PRDM16: variants seen among roughly 807,000 people sequenced by gnomAD.
PRDM16 encodes the protein PR/SET domain 16, also known as histone-lysine N-methyltransferase PRDM16.
A neutral mutation model predicts 110.6 loss-of-function variants in PRDM16; 23 were observed. That is an observed-to-expected ratio of 0.21 (90% CI 0.15 to 0.29). The LOEUF is 0.29. PRDM16 is among the 10% of genes least tolerant of loss of function. The probability of loss-of-function intolerance (pLI) is 1.00; values close to 1 mark genes in which losing one functional copy is unlikely to be tolerated. For synonymous variants in PRDM16, 799 were observed against 781.8 expected (o/e 1.02, Z -0.37); for missense variants, 1,615 against 1,794.3 (o/e 0.90, Z 1.81).
chr1:3,388,497 C>A (rs141733820), intron 4 of PRDM16, among the ~76,000 whole-genome samples: 3 of 152,310 alleles, frequency 2.0e-5, no homozygotes, highest in African/African-American at 7.2e-5. Flanking sequence ...AGACATGTGA[C>A]CTCAGCCCCC....
chr1:3,105,734 GC>G (rs1642637198), intron 1 of PRDM16, among the ~76,000 whole-genome samples: 3 of 152,236 alleles, frequency 2.0e-5, no homozygotes, highest in Non-Finnish European at 4.4e-5. Context: ...CAAGCAGCAT[GC>G]TAATTAGCGC....
At chr1:3,365,330 AC>A (rs925372309) in intron 3 of PRDM16, among the ~76,000 whole-genome samples, 1 of 151,854 alleles carries the variant, frequency 6.6e-6, no homozygotes, top group Non-Finnish European at 1.5e-5. Context: ...CTGGTTCCCC[AC>A]CCCTGGGCTG....
At chr1:3,412,881 CTCTT>C in intron 9 of PRDM16, 81 bp downstream of exon 9, 3 of 1,155,914 alleles carry the variant, frequency 2.6e-6, no homozygotes, top group South Asian at 1.9e-5. Context: ...ATGGTGGTGT[CTCTT>C]TCAAGCTCCT....
intron 2 of PRDM16, among the ~76,000 whole-genome samples, chr1:3,234,976 TAA>T (rs1485390415): frequency 2.0e-5 from 3 of 152,132 alleles, no homozygotes; most frequent in Non-Finnish European, 4.4e-5. Flanking sequence ...GGTGGAGAAA[TAA>T]AGTGTGAGTG....
chr1:3,367,762 T>C (rs1462647402), intron 3 of PRDM16, among the ~76,000 whole-genome samples: 1 of 152,260 alleles, frequency 6.6e-6, no homozygotes, highest in Non-Finnish European at 1.5e-5. Context: ...TAAGAATTAA[T>C]GGAGCCGGTA....
intron 8 of PRDM16, among the ~76,000 whole-genome samples, chr1:3,410,534 C>G (rs930761681): frequency 6.6e-6 from 1 of 152,212 alleles, no homozygotes; most frequent in African/African-American, 2.4e-5. Flanking sequence ...CTGCCAGGAG[C>G]CCCAAAGTCC....
intron 2 of PRDM16, among the ~76,000 whole-genome samples, chr1:3,187,818 C>T (rs75192469): frequency 6.6e-6 from 1 of 152,250 alleles, no homozygotes; most frequent in East Asian, 1.9e-4. Context: ...CAGCTTAAAG[C>T]CCCCCAGCCC....
intron 1 of PRDM16, among the ~76,000 whole-genome samples, chr1:3,172,380 G>A (rs1225201498): frequency 1.3e-5 from 2 of 152,158 alleles, no homozygotes; most frequent in Non-Finnish European, 2.9e-5. Flanking sequence ...CAGAGACCCT[G>A]AGATCTGGGC....
At chr1:3,229,954 C>T (rs1410100568) in intron 2 of PRDM16, among the ~76,000 whole-genome samples, 10 of 152,218 alleles carry the variant, frequency 6.6e-5, no homozygotes, top group Admixed American at 4.6e-4. Flanking sequence ...GCTGCAGCTC[C>T]GTGCAGGTGT....
intron 1 of PRDM16, among the ~76,000 whole-genome samples, chr1:3,094,871 G>C (rs1244150650): frequency 6.7e-6 from 1 of 148,404 alleles, no homozygotes; most frequent in African/African-American, 2.4e-5. Flanking sequence ...GGGTCTGCAT[G>C]AGTGCCAGGT....
intron 2 of PRDM16, among the ~76,000 whole-genome samples, chr1:3,194,990 T>C (rs1009603631): frequency 1.3e-5 from 2 of 152,164 alleles, no homozygotes; most frequent in African/African-American, 4.8e-5. Flanking sequence ...ACTCAGGAGC[T>C]TCTGGATGTT....
intron 1 of PRDM16, among the ~76,000 whole-genome samples, chr1:3,140,916 G>T (rs12739776): frequency 0.052 from 7,916 of 152,256 alleles, 295 homozygotes; most frequent in East Asian, 0.075. Context: ...AGAAGCAGGC[G>T]GTCGGAGAAG....
At chr1:3,238,597 C>T (rs545694504) in intron 2 of PRDM16, among the ~76,000 whole-genome samples, 4 of 152,310 alleles carry the variant, frequency 2.6e-5, no homozygotes, top group East Asian at 1.9e-4. Flanking sequence ...CTTTGCTCTG[C>T]GAGCCAGAGG....
intron 2 of PRDM16, among the ~76,000 whole-genome samples, chr1:3,231,465 C>T (rs557798531): frequency 8.5e-4 from 79 of 93,338 alleles, no homozygotes; most frequent in African/African-American, 6.9e-3. Flanking sequence ...ATCTGCCTCC[C>T]GCTTCACAGA....
At chr1:3,233,575 T>C (rs1639468557) in intron 2 of PRDM16, among the ~76,000 whole-genome samples, 1 of 152,194 alleles carries the variant, frequency 6.6e-6, no homozygotes, top group African/African-American at 2.4e-5. Flanking sequence ...TCCCTGCCCC[T>C]GTGAGTGCGG....
In PRDM16 at chr1:3,151,117, G is replaced by A. The variant is rs114531324; in HGVS notation, c.38-35008G>A. On this transcript the variant is annotated intron_variant, in intron 1 of 16. Transcript: ENST00000270722. ...GGCCTCCTGGTCCTGAGATATCTCT[G>A]TGCCTCCTGCGTAGCTTAGCTTCCC... Among the ~76,000 whole-genome samples, 485 of 152,320 alleles carry A rather than the reference G, an allele frequency of 3.2e-3. 1 individual carries two copies. The highest frequency in any genetic ancestry group is 0.011 in the African/African-American group (444 of 41,572).
intron 3 of PRDM16, among the ~76,000 whole-genome samples, chr1:3,347,849 G>A (rs1642393542): frequency 6.6e-6 from 1 of 152,226 alleles, no homozygotes; most frequent in Non-Finnish European, 1.5e-5. Context: ...CTGGTAGTGT[G>A]GTCAGGAGGA....
intron 1 of PRDM16, among the ~76,000 whole-genome samples, chr1:3,117,337 T>G (rs1442120238): frequency 6.6e-6 from 1 of 152,074 alleles, no homozygotes; most frequent in Admixed American, 6.5e-5. Flanking sequence ...GGAAATTGGA[T>G]TAGACCGTGC....
intron 2 of PRDM16, among the ~76,000 whole-genome samples, chr1:3,223,798 C>T (rs1195528757): frequency 2.0e-5 from 3 of 152,120 alleles, no homozygotes; most frequent in East Asian, 1.9e-4. Flanking sequence ...CAGCGAGAAC[C>T]GGGAATAACC....
Sources: gnomAD v4.1 joint callset for allele counts (sites outside exome capture counted in the v4.1 genomes callset) on GRCh38, gnomAD v4.1.1 for gene constraint, MANE v1.5 for transcripts, NCBI Gene and HGNC (gene_info 2026-07-23, HGNC 2026-07-21) for gene names.